The following TMEM232 variants were observed in gnomAD, a reference collection of about 807,000 sequenced individuals.
The protein encoded by TMEM232 is transmembrane protein 232.
In TMEM232, 80 loss-of-function variants were observed where a neutral mutation model predicts 78.8. The ratio of observed to expected loss-of-function variants is 1.01; its 90% confidence interval spans 0.85 to 1.22. The LOEUF (loss-of-function observed/expected upper bound fraction) is 1.22. Among genes scored for constraint, TMEM232 ranks in the 50% most tolerant of loss-of-function variants. TMEM232 has a pLI of 0.00. For synonymous variants in TMEM232, 297 were observed against 254.3 expected, an observed-to-expected ratio of 1.17 and a Z score of -1.60; for missense variants, 881 against 742.2, an observed-to-expected ratio of 1.19 and a Z score of -2.17.
chr5:110,514,165 T>G (rs1768230546), intron 12 of TMEM232, among the ~76,000 whole-genome samples: 1 of 152,200 alleles, frequency 6.6e-6, no homozygotes, highest in African/African-American at 2.4e-5. Context: ...TCTTTCATAC[T>G]ATGTCTTATC....
intron 5 of TMEM232, among the ~76,000 whole-genome samples, chr5:110,636,677 T>C (rs1785884630): frequency 6.6e-6 from 1 of 152,044 alleles, no homozygotes; most frequent in Non-Finnish European, 1.5e-5. Flanking sequence ...GCTTAGACTT[T>C]GGGCAAGTCA....
intron 12 of TMEM232, among the ~76,000 whole-genome samples, chr5:110,518,123 A>ACTCTCT (rs71626631): frequency 7.0e-6 from 1 of 143,816 alleles, no homozygotes; most frequent in Non-Finnish European, 1.6e-5. Flanking sequence ...CTCTATGTCT[A>ACTCTCT]CTCTCTCTCT....
At chr5:110,679,709 T>C (rs757040601) in intron 1 of TMEM232, among the ~76,000 whole-genome samples, 1 of 147,884 alleles carries the variant, frequency 6.8e-6, no homozygotes, top group African/African-American at 2.6e-5. Flanking sequence ...GTTATGAGCA[T>C]AATATTTATC....
chr5:110,557,655 G>A (rs557868387), intron 11 of TMEM232, among the ~76,000 whole-genome samples: 4 of 152,280 alleles, frequency 2.6e-5, no homozygotes, highest in African/African-American at 9.6e-5. Context: ...GAAGGAGGAA[G>A]AGAGAAAGAG....
rs930832178 is a variant in TMEM232, at chr5:110,406,307, T to C, written n.309-8453A>G. 2.6e-3 allele frequency among the ~76,000 whole-genome samples: 227 copies of C among 86,022 alleles called. 1 individual carries two copies. Among genetic ancestry groups the C allele is most frequent in the East Asian group, 8.2e-3 (24 of 2,924 alleles). 56.4% of individuals were successfully genotyped at this position (86,022 alleles called of 152,430 possible). On this transcript the variant is annotated intron_variant and non_coding_transcript_variant, in intron 2 of 8. Transcript: ENST00000507188. ...ACACACACACACACACACACACACATATGTGTCTATATATAATATTTTCTG... is the reference window on the plus strand; with the variant it reads ...ACACACACACACACACACACACACACATGTGTCTATATATAATATTTTCTG...
At chr5:110,702,439 T>C (rs1288955141) in intron 1 of TMEM232, among the ~76,000 whole-genome samples, 2 of 152,030 alleles carry the variant, frequency 1.3e-5, no homozygotes, top group African/African-American at 2.4e-5. Flanking sequence ...GTTGACTTTA[T>C]ATGTATCTCA....
At chr5:110,487,527 T>C (rs1764595507) in intron 12 of TMEM232, among the ~76,000 whole-genome samples, 2 of 152,142 alleles carry the variant, frequency 1.3e-5, no homozygotes, top group African/African-American at 4.8e-5. Flanking sequence ...AAAGCGATAC[T>C]GGATTTTGTC....
At chr5:110,702,219 G>A (rs1380499218) in intron 1 of TMEM232, among the ~76,000 whole-genome samples, 1 of 152,032 alleles carries the variant, frequency 6.6e-6, no homozygotes, top group Non-Finnish European at 1.5e-5. Flanking sequence ...TTGGGCTGCT[G>A]CTTTTCCTTT....
At chr5:110,661,229 A>G (rs1205741517) in intron 2 of TMEM232, among the ~76,000 whole-genome samples, 2 of 152,148 alleles carry the variant, frequency 1.3e-5, no homozygotes, top group African/African-American at 4.8e-5. Flanking sequence ...TTATTCATTT[A>G]TCATGCATGG....
intron 12 of TMEM232, among the ~76,000 whole-genome samples, chr5:110,457,244 G>T (rs907895939): frequency 6.6e-6 from 1 of 152,056 alleles, no homozygotes; most frequent in African/African-American, 2.4e-5. Context: ...AAAGATGTAT[G>T]GATGCTGAGT....
chr5:110,727,108 G>A (rs1049186420), upstream of TMEM232, among the ~76,000 whole-genome samples: 19 of 152,136 alleles, frequency 1.2e-4, no homozygotes, highest in Admixed American at 3.3e-4. Flanking sequence ...CACCTAGAAT[G>A]TTCTGCTATG....
At chr5:110,725,145 T>C (rs1417646332) in intron 1 of TMEM232, among the ~76,000 whole-genome samples, 2 of 152,222 alleles carry the variant, frequency 1.3e-5, no homozygotes, top group Admixed American at 6.5e-5. Context: ...AAATACATTC[T>C]GTAAAATACT....
At chr5:110,695,059 A>T (rs558338843) in intron 1 of TMEM232, among the ~76,000 whole-genome samples, 4 of 152,262 alleles carry the variant, frequency 2.6e-5, no homozygotes, top group Admixed American at 6.5e-5. Flanking sequence ...GAAGTAAAGC[A>T]CTCCTCAGCA....
At chr5:110,704,838 T>C (rs902147203) in intron 1 of TMEM232, among the ~76,000 whole-genome samples, 1 of 152,134 alleles carries the variant, frequency 6.6e-6, no homozygotes, top group African/African-American at 2.4e-5. Context: ...ATGAATATAG[T>C]TAATCAGTTA....
At chr5:110,516,938 C>G (rs965674209) in intron 12 of TMEM232, among the ~76,000 whole-genome samples, 1 of 152,022 alleles carries the variant, frequency 6.6e-6, no homozygotes, top group African/African-American at 2.4e-5. Context: ...GATTTTCACA[C>G]TGAAACAAGC....
At chr5:110,549,967 A>G (rs555829393) in intron 11 of TMEM232, among the ~76,000 whole-genome samples, 23 of 152,294 alleles carry the variant, frequency 1.5e-4, no homozygotes, top group African/African-American at 5.3e-4. Flanking sequence ...TTCCCAATTC[A>G]CTTCATTAGC....
At chr5:110,670,765 C>T (rs1271667570) in intron 1 of TMEM232, among the ~76,000 whole-genome samples, 1 of 152,020 alleles carries the variant, frequency 6.6e-6, no homozygotes, top group East Asian at 1.9e-4. Flanking sequence ...CTAACAACAT[C>T]ACTGGGCATT....
intron 12 of TMEM232, among the ~76,000 whole-genome samples, chr5:110,504,137 G>C (rs1188431829): frequency 6.6e-6 from 1 of 152,106 alleles, no homozygotes; most frequent in Admixed American, 6.5e-5. Context: ...AATCACTTTA[G>C]ACAGTATACT....
chr5:110,680,018 A>C (rs1792517366), intron 1 of TMEM232, among the ~76,000 whole-genome samples: 1 of 151,890 alleles, frequency 6.6e-6, no homozygotes, highest in African/African-American at 2.4e-5. Flanking sequence ...TTACATCCTA[A>C]CTCCAGACCT....
Sources: gnomAD v4.1 joint callset for allele counts (sites outside exome capture counted in the v4.1 genomes callset) on GRCh38, gnomAD v4.1.1 for gene constraint, MANE v1.5 for transcripts, NCBI Gene and HGNC (gene_info 2026-07-23, HGNC 2026-07-21) for gene names.